The following PPM1E variants were observed in gnomAD, a reference collection of about 807,000 sequenced individuals.
PPM1E encodes the protein protein phosphatase, Mg2+/Mn2+ dependent 1E, also known as protein phosphatase 1E.
Under a neutral mutation model 65.9 loss-of-function variants are expected in PPM1E, and 20 were observed. The observed-to-expected ratio is 0.30, with a 90% CI of 0.21 to 0.44. The LOEUF is 0.44. PPM1E is among the 20% of genes least tolerant of loss of function. PPM1E has a pLI of 1.00. For missense variants in PPM1E, 713 were observed against 953.1 expected, an observed-to-expected ratio of 0.75 and a Z score of 3.32; for synonymous variants, 352 against 374.9, an observed-to-expected ratio of 0.94 and a Z score of 0.70.
chr17:58,805,554 T>A (rs2050297376), intron 1 of PPM1E, among the ~76,000 whole-genome samples: 1 of 152,094 alleles, frequency 6.6e-6, no homozygotes, highest in Non-Finnish European at 1.5e-5. Flanking sequence ...CCGGCCCCAG[T>A]GTGTAGTCTT....
rs139052152 is a variant in PPM1E at position 58,946,950 on chromosome 17, T to G, written c.465-8699T>G. On this transcript the variant is annotated intron_variant, in intron 1 of 6. Transcript: ENST00000308249. ...TAGGAGTTTTCTTTTAGGAGTTTTA[T>G]GAGTTTTAGCTTTACATTTAGGTCT... 2.8e-3 allele frequency among the ~76,000 whole-genome samples: 419 copies of G among 152,122 alleles called. 6 individuals carry two copies. The highest frequency in any genetic ancestry group is 9.7e-3 in the African/African-American group (404 of 41,520).
chr17:58,818,597 C>T (rs1355037266), intron 1 of PPM1E, among the ~76,000 whole-genome samples: 1 of 152,100 alleles, frequency 6.6e-6, no homozygotes, highest in East Asian at 1.9e-4. Context: ...TTGATATAGA[C>T]CCCAAGTTCA....
intron 1 of PPM1E, among the ~76,000 whole-genome samples, chr17:58,790,607 C>G (rs2144244579): frequency 6.6e-6 from 1 of 152,206 alleles, no homozygotes; most frequent in East Asian, 1.9e-4. Flanking sequence ...GTCTGGGTCT[C>G]TGGAAATATT....
At chr17:58,973,909 G>A (rs186499140) in intron 6 of PPM1E, among the ~76,000 whole-genome samples, 1,522 of 144,310 alleles carry the variant, frequency 0.011, 24 homozygotes, top group African/African-American at 0.036. Flanking sequence ...TCGAGATCGC[G>A]CCACTGCGCT....
rs1282349180 is a variant in PPM1E, at chr17:58,982,404, G to T, written c.*1373G>T. 1 of 152,736 alleles carries T rather than the reference G, an allele frequency of 6.5e-6. No homozygotes were observed. The highest frequency in any genetic ancestry group is 1.9e-4 in the East Asian group (1 of 5,212). 9.5% of individuals were successfully genotyped at this position (152,736 alleles called of 1,614,324 possible). On this transcript the variant is annotated 3_prime_UTR_variant, in exon 7 of 7. Coordinates refer to ENST00000308249, the MANE Select transcript of PPM1E (RefSeq NM_014906.5). ...AATGTCTTAGTGTTACCCTCCCCTA[G>T]TCAACAGCAGACCAGCCTGGCCAAT...
Position 58,981,227 on chromosome 17 carries a change from T to C in PPM1E, c.*196T>C. The C allele has an allele frequency of 1.9e-6, 1 of 535,746 alleles. No homozygotes were observed. The highest frequency in any genetic ancestry group is 3.1e-5 in the East Asian group (1 of 32,272). 33.2% of individuals were successfully genotyped at this position (535,746 alleles called of 1,614,324 possible). ...TAAAAAGAAGTATTGGCAGTTTCACTTGCAAAATTACACAGCTGGTCCCTG... is the reference window on the plus strand; with the variant it reads ...TAAAAAGAAGTATTGGCAGTTTCACCTGCAAAATTACACAGCTGGTCCCTG... On this transcript the variant is annotated 3_prime_UTR_variant, in exon 7 of 7. Transcript: ENST00000308249.
chr17:58,849,429 A>G (rs1002387418), intron 1 of PPM1E, among the ~76,000 whole-genome samples: 2 of 152,112 alleles, frequency 1.3e-5, no homozygotes, highest in African/African-American at 4.8e-5. Flanking sequence ...ATTTCCCTCT[A>G]TACACTGCTT....
intron 1 of PPM1E, among the ~76,000 whole-genome samples, chr17:58,948,843 G>T (rs1020165173): frequency 6.6e-6 from 1 of 152,000 alleles, no homozygotes; most frequent in Non-Finnish European, 1.5e-5. Flanking sequence ...CTTGTTATTG[G>T]TTTCTAGTTT....
chr17:58,817,900 C>T (rs995863555), intron 1 of PPM1E, among the ~76,000 whole-genome samples: 4 of 152,086 alleles, frequency 2.6e-5, no homozygotes, highest in Admixed American at 6.5e-5. Context: ...TACAGGCGTC[C>T]GCCACCACGC....
intron 1 of PPM1E, among the ~76,000 whole-genome samples, chr17:58,798,226 G>GTTTTTTTTTT (rs1182858502): frequency 7.8e-6 from 1 of 128,192 alleles, no homozygotes. Flanking sequence ...TACGTTTTTT[G>GTTTTTTTTTT]TTTGTTTTTT....
At chr17:58,860,216 G>C (rs1184429849) in intron 1 of PPM1E, among the ~76,000 whole-genome samples, 4 of 152,102 alleles carry the variant, frequency 2.6e-5, no homozygotes, top group Admixed American at 6.6e-5. Context: ...GCTTTGAAAG[G>C]GTATGAAGTA....
chr17:58,803,314 T>C (rs2050276028), intron 1 of PPM1E, among the ~76,000 whole-genome samples: 1 of 152,240 alleles, frequency 6.6e-6, no homozygotes, highest in African/African-American at 2.4e-5. Flanking sequence ...TGAGTATTTT[T>C]CCTGCATCTC....
chr17:58,779,982 T>G (rs921515680), intron 1 of PPM1E, among the ~76,000 whole-genome samples: 2 of 152,200 alleles, frequency 1.3e-5, no homozygotes, highest in African/African-American at 4.8e-5. Context: ...AATTTAACTT[T>G]CCCATTATTA....
At chr17:58,906,165 T>C (rs1328375543) in intron 1 of PPM1E, among the ~76,000 whole-genome samples, 10 of 152,210 alleles carry the variant, frequency 6.6e-5, no homozygotes. Context: ...TTTATTATCC[T>C]TTCAATGTCC....
intron 1 of PPM1E, among the ~76,000 whole-genome samples, chr17:58,853,809 C>T (rs1049488087): frequency 5.3e-5 from 8 of 152,058 alleles, no homozygotes; most frequent in East Asian, 1.9e-4. Context: ...CCAGCCTGGA[C>T]GACAGAGTGA....
In PPM1E at chr17:58,897,197, G is replaced by A. The variant is rs531533903; in HGVS notation, c.465-58452G>A. ...TGGGAGGCTGAGGCTGGTGGATCAC[G>A]AGGTCAGGAGATCGAGACCATCCTG... On this transcript the variant is annotated intron_variant, in intron 1 of 6. Coordinates refer to ENST00000308249, the MANE Select transcript of PPM1E (RefSeq NM_014906.5). Among the ~76,000 whole-genome samples the A allele has an allele frequency of 3.9e-5, 6 of 152,166 alleles. No homozygotes were observed. In the South Asian group the frequency reaches 1.2e-3, roughly 32 times the overall value.
Position 58,756,288 on chromosome 17 carries a change from G to A in PPM1E, c.291G>A (p.Glu97=). ...AGGAGGCGGCGGTTGAGGGTGAGGA[G>A]GAGGAGGAGGGCGCGGCGACGGCGG... ...PEEEAAVEGE[E]EEEGAATAAA... Residue 97 remains glutamate (E), a synonymous_variant, in exon 1 of 7, where the codon GAG becomes GAA. Transcript: ENST00000308249. The A allele has an allele frequency of 6.5e-7, 1 of 1,532,956 alleles. No individual in the cohort carries two copies. The highest frequency in any genetic ancestry group is 8.8e-7 in the Non-Finnish European group (1 of 1,139,364). The allele number at this position is 1,532,956 out of a possible 1,614,324, so 95.0% of individuals were successfully genotyped here.
intron 1 of PPM1E, among the ~76,000 whole-genome samples, chr17:58,765,856 T>C (rs1429004994): frequency 1.3e-5 from 2 of 151,354 alleles, no homozygotes; most frequent in South Asian, 2.1e-4. Flanking sequence ...CAACCTCTGG[T>C]CTTTAATATT....
At chr17:58,863,033 G>A (rs182322943) in intron 1 of PPM1E, among the ~76,000 whole-genome samples, 8 of 152,316 alleles carry the variant, frequency 5.3e-5, no homozygotes, top group South Asian at 2.1e-4. Flanking sequence ...GCTAAATGAT[G>A]TACTTTGCTT....
Sources: gnomAD v4.1 joint callset for allele counts (sites outside exome capture counted in the v4.1 genomes callset) on GRCh38, gnomAD v4.1.1 for gene constraint, MANE v1.5 for transcripts, NCBI Gene and HGNC (gene_info 2026-07-23, HGNC 2026-07-21) for gene names.